ENO1: variants seen among roughly 807,000 people sequenced by gnomAD.
ENO1 encodes alpha-enolase.
A neutral mutation model predicts 46.3 loss-of-function variants in ENO1; 33 were observed. That is an observed-to-expected ratio of 0.71 (90% CI 0.54 to 0.95). The LOEUF (loss-of-function observed/expected upper bound fraction) is 0.95, where lower values mean the gene tolerates loss of function less well. ENO1 is among the 40% of genes least tolerant of loss of function. The probability of loss-of-function intolerance (pLI) is 0.00; values close to 1 mark genes in which losing one functional copy is unlikely to be tolerated. For synonymous variants in ENO1, 220 were observed against 216.0 expected, an observed-to-expected ratio of 1.02 and a Z score of -0.16; for missense variants, 488 against 553.3, an observed-to-expected ratio of 0.88 and a Z score of 1.18.
chr1:8,873,612 G>A (rs866416783), intron 2 of ENO1, among the ~76,000 whole-genome samples: 1 of 152,182 alleles, frequency 6.6e-6, no homozygotes, highest in African/African-American at 2.4e-5. Context: ...TAAAGCCAGT[G>A]AGAAACCCCA....
Position 8,867,098 on chromosome 1 carries a change from G to C in ENO1, c.444+19C>G, listed in dbSNP as rs377003555. On this transcript the variant is annotated intron_variant, in intron 6 of 11. Coordinates refer to ENST00000234590, the MANE Select transcript of ENO1 (RefSeq NM_001428.5). ...AAACCCCCAACTCCTTGCTTGGGAA[G>C]TTCCAATAAACCACTCACCGGGACT... is the stretch of plus-strand genomic sequence containing the variant. 2 of 1,607,302 alleles carry C rather than the reference G, an allele frequency of 1.2e-6. No homozygotes were observed. The highest frequency in any genetic ancestry group is 4.5e-5 in the East Asian group (2 of 44,684).
In ENO1 at chr1:8,878,572, A is replaced by G. The variant is rs781605981; in HGVS notation, c.-10+8T>C. The G allele has an allele frequency of 1.5e-4, 70 of 455,794 alleles. No homozygotes were observed. Among genetic ancestry groups the G allele is most frequent in the Middle Eastern group, 9.8e-4 (3 of 3,066 alleles). The allele number at this position is 455,794 out of a possible 1,614,324, so 28.2% of individuals were successfully genotyped here. On this transcript the variant is annotated splice_region_variant and intron_variant, in intron 1 of 11. Transcript: ENST00000234590. ...CTGCCCGTTGCTCAGCCCTTCCCCA[A>G]TCATTACCTAGCCACTGGGTCTCGT... is the stretch of plus-strand genomic sequence containing the variant.
rs1642600890 is a variant in ENO1, at chr1:8,870,206, G to A, written c.240+246C>T. 1.3e-5 allele frequency: 7 copies of A among 531,572 alleles called. No homozygotes were observed. The South Asian group carries it at 1.8e-4, about 14-fold the overall frequency. 32.9% of individuals were successfully genotyped at this position (531,572 alleles called of 1,614,324 possible). The stretch of plus-strand genomic sequence containing the variant: ...CTTCAAAGGTCCAGAGAGTTGCAGG[G>A]GGGAAGAAACCTCAGGGCTCGAAGT... On this transcript the variant is annotated intron_variant, in intron 4 of 11. Transcript: ENST00000234590.
Position 8,864,184 on chromosome 1 carries a change from C to T in ENO1, c.866-92G>A, listed in dbSNP as rs28999092. ...CTTGCTTCCCCCTTGACTTGCTGCT[C>T]GCCTGGCCTCACAATGCCCAAAAGC... On this transcript the variant is annotated intron_variant, in intron 8 of 11. Coordinates refer to ENST00000234590, the MANE Select transcript of ENO1 (RefSeq NM_001428.5). 29,064 of 1,400,892 alleles carry T rather than the reference C, an allele frequency of 0.021. 3,810 individuals are homozygous for T. The East Asian group carries it at 0.34, about 16-fold the overall frequency. The allele number at this position is 1,400,892 out of a possible 1,614,324, so 86.8% of individuals were successfully genotyped here.
chr1:8,864,120 A>G, intron 8 of ENO1, 28 bp from the exon 9 acceptor site: 1 of 1,611,548 alleles, frequency 6.2e-7, no homozygotes. Flanking sequence ...ACGCTTCATC[A>G]GTGTGATCCT....
At chr1:8,864,392 CTGGGATCAAATGA>C (rs898062653) in intron 8 of ENO1, among the ~76,000 whole-genome samples, 4 of 152,174 alleles carry the variant, frequency 2.6e-5, no homozygotes, top group African/African-American at 9.7e-5. Flanking sequence ...CTGTGAAATC[CTGGGATCAAATGA>C]TCCTCCCACC....
intron 11 of ENO1, among the ~76,000 whole-genome samples, chr1:8,862,613 G>A (rs1050189199): frequency 6.6e-6 from 1 of 152,182 alleles, no homozygotes; most frequent in Admixed American, 6.5e-5. Flanking sequence ...TGCATCAGCT[G>A]TCAAAGGGGG....
chr1:8,865,400 C>T lies in ENO1; in HGVS notation c.750G>A (p.Glu250=). The change falls in exon 8 of 12, where the codon GAG becomes GAA. Residue 250 remains glutamate (E), a synonymous_variant. Transcript: ENST00000234590. ...GGTCATACTTCCCAGACCTGAAGAA[C>T]TCGGAGGCCGCTACGTCCATGCCGA... ...VVIGMDVAAS[E]FFRSGKYDLD... 1 of 1,614,198 alleles carries T rather than the reference C, an allele frequency of 6.2e-7. No individual in the cohort carries two copies. Among genetic ancestry groups the T allele is most frequent in the East Asian group, 2.2e-5 (1 of 44,890 alleles).
At chr1:8,863,107 A>T in intron 10 of ENO1, 128 bp downstream of exon 10, 1 of 1,353,874 alleles carries the variant, frequency 7.4e-7, no homozygotes, top group Non-Finnish European at 1.0e-6. Context: ...CATTCTGTTC[A>T]GCCTCAGAAA....
Position 8,864,041 on chromosome 1 carries a change from T to G in ENO1, c.917A>C (p.Lys306Thr). 6.2e-7 allele frequency: 1 copy of G among 1,614,168 alleles called. No individual in the cohort carries two copies. The highest frequency in any genetic ancestry group is 8.5e-7 in the Non-Finnish European group (1 of 1,180,034). The stretch of plus-strand genomic sequence containing the variant: ...CTGGATTCCTGCACTGGCTGTGAAC[T>G]TCTGCCAAGCTCCCCAGTCATCCTG... ...FDQDDWGAWQ[K>T]FTASAGIQVV... Residue 306 changes from lysine (K) to threonine (T), a missense_variant, in exon 9 of 12, where the codon AAG becomes ACG. Transcript: ENST00000234590.
chr1:8,872,037 C>A (rs28931273), intron 2 of ENO1, 51 bp from the exon 3 acceptor site: 1 of 1,523,322 alleles, frequency 6.6e-7, no homozygotes, highest in Non-Finnish European at 9.1e-7. Context: ...CCAGTTCCAG[C>A]ACAATCCCAA....
intron 11 of ENO1, 63 bp from the exon 12 acceptor site, chr1:8,861,492 A>C: frequency 6.3e-7 from 1 of 1,576,090 alleles, no homozygotes; most frequent in Non-Finnish European, 8.7e-7. Flanking sequence ...TCAAGTTTTA[A>C]GTTTTCCCAT....
At position 8,863,656 on chromosome 1, in the gene ENO1, G is replaced by A. The variant is rs28999095; in HGVS notation, c.1067+235C>T. ...AACTACTTGCTATGTTGCCCAGGCT[G>A]GTCTTGAGCTCCCGAGCTCAAGTGA... On this transcript the variant is annotated intron_variant, in intron 9 of 11. Coordinates refer to ENST00000234590, the MANE Select transcript of ENO1 (RefSeq NM_001428.5). 3.3e-5 allele frequency among the ~76,000 whole-genome samples: 5 copies of A among 152,294 alleles called. No homozygotes were observed. In the East Asian group the frequency reaches 9.7e-4, roughly 29 times the overall value.
intron 7 of ENO1, 150 bp from the exon 8 acceptor site, chr1:8,865,632 C>T (rs1642495695): frequency 1.3e-6 from 1 of 749,566 alleles, no homozygotes; most frequent in Non-Finnish European, 2.1e-6. Flanking sequence ...TTTTTTTCTG[C>T]TTTGGGGCAA....
At chr1:8,876,663 C>T (rs189176360) in intron 1 of ENO1, among the ~76,000 whole-genome samples, 37 of 151,976 alleles carry the variant, frequency 2.4e-4, no homozygotes, top group African/African-American at 8.9e-4. Context: ...TTTGGGAGGC[C>T]GAGGAGGGTG....
At chr1:8,876,111 T>C (rs866222569) in intron 1 of ENO1, 6 of 152,210 alleles carry the variant, frequency 3.9e-5, no homozygotes, top group African/African-American at 1.4e-4. Context: ...TCTTACTTTT[T>C]TCCTTGGCGC....
At chr1:8,873,414 C>T (rs1642671913) in intron 2 of ENO1, among the ~76,000 whole-genome samples, 1 of 152,214 alleles carries the variant, frequency 6.6e-6, no homozygotes, top group African/African-American at 2.4e-5. Flanking sequence ...TTAAGACACA[C>T]AAGAGAAAGT....
At chr1:8,866,051 A>G (rs533882591) in intron 7 of ENO1, 7 of 465,666 alleles carry the variant, frequency 1.5e-5, no homozygotes, top group African/African-American at 1.4e-4. Context: ...ACTGCACTCC[A>G]GCCTGGGCGA....
At position 8,878,648 on chromosome 1, in the gene ENO1, G is replaced by A. The variant is rs968765836; in HGVS notation, c.-78C>T. Reference sequence around the variant, plus strand: ...CTGCAGACACCGAGGTGAACGTAAAGCCGGCGAGATCTCCGTGCTCCGGGT... The same window carrying A: ...CTGCAGACACCGAGGTGAACGTAAAACCGGCGAGATCTCCGTGCTCCGGGT... On this transcript the variant is annotated 5_prime_UTR_variant, in exon 1 of 12. Transcript: ENST00000234590. 4.4e-6 allele frequency: 2 copies of A among 455,998 alleles called. No individual in the cohort carries two copies. The highest frequency in any genetic ancestry group is 6.9e-5 in the East Asian group (1 of 14,392). The allele number at this position is 455,998 out of a possible 1,614,324, so 28.2% of individuals were successfully genotyped here.
Sources: allele counts gnomAD v4.1 joint callset (sites outside exome capture counted in the v4.1 genomes callset), GRCh38; gene constraint gnomAD v4.1.1; transcripts MANE v1.5; gene names NCBI Gene and HGNC (gene_info 2026-07-23, HGNC 2026-07-21).